Variants in MEGF8 observed in about 807,000 individuals in gnomAD.
MEGF8 encodes multiple EGF like domains 8.
Under a neutral mutation model 302.9 loss-of-function variants are expected in MEGF8, and 156 were observed. That is an observed-to-expected ratio of 0.52 (90% CI 0.45 to 0.59). The LOEUF (loss-of-function observed/expected upper bound fraction) is 0.59, where lower values mean the gene tolerates loss of function less well. MEGF8 is among the 20% of genes least tolerant of loss of function. MEGF8 has a pLI of 0.00. For missense variants in MEGF8, 3,345 were observed against 3,964.5 expected (o/e 0.84, Z 4.20); for synonymous variants, 1,621 against 1,660.5 (o/e 0.98, Z 0.58).
At position 42,354,104 on chromosome 19, in the gene MEGF8, AC is replaced by A; in HGVS notation, c.4011+83del. The A allele has an allele frequency of 1.4e-6, 2 of 1,409,126 alleles. No individual in the cohort carries two copies. Among genetic ancestry groups the A allele is most frequent in the Non-Finnish European group, 1.9e-6 (2 of 1,071,524 alleles). 87.3% of individuals were successfully genotyped at this position (1,409,126 alleles called of 1,614,324 possible). ...ACCCAGCCTGCATCCTCAGACCCTG[AC>A]CCTAGTATTGCTGTTTTTTTTTTTT... On this transcript the variant is annotated intron_variant, in intron 22 of 41. Coordinates refer to ENST00000251268, the MANE Select transcript of MEGF8 (RefSeq NM_001271938.2). This position sits in a 1 kb window ranked among gnomAD's most constrained non-coding sequence, Gnocchi z 4.3.
rs1284505796 is a variant in MEGF8, at chr19:42,371,430, G to C, written c.7217G>C (p.Gly2406Ala). ...CCATGTCAGAATAACACAGAGACGG[G>C]CACATGCCAGGGCAGCTCCCCCAGT... Reference protein sequence around the residue: ...GCPCQNNTETGTCQGSSPSDR... With the variant: ...GCPCQNNTETATCQGSSPSDR... Residue 2406 changes from glycine (G) to alanine (A), a missense_variant, in exon 41 of 42, where the codon GGC becomes GCC. Physicochemically the swap from Gly to Ala is moderately conservative, Grantham distance 60. Coordinates refer to ENST00000251268, the MANE Select transcript of MEGF8 (RefSeq NM_001271938.2). 6.2e-7 allele frequency: 1 copy of C among 1,613,966 alleles called. No individual in the cohort carries two copies. The highest frequency in any genetic ancestry group is 1.1e-5 in the South Asian group (1 of 91,086).
In MEGF8 at chr19:42,336,007, CGCTCACCAACGACGTGTGGGCCTT is replaced by C. The variant is rs2039122342; in HGVS notation, c.906_929del (p.Leu303_Phe310del). ...ATGGGTGGTGAGCTGGCTGACGGCT[CGCTCACCAACGACGTGTGGGCCTT>C]CAGTCCACTGGGCAGGGGCCACTGG... is the stretch of plus-strand genomic sequence containing the variant. On this transcript the variant is annotated inframe_deletion, in exon 6 of 42. Coordinates refer to ENST00000251268, the MANE Select transcript of MEGF8 (RefSeq NM_001271938.2). This position sits in a 1 kb window ranked among gnomAD's most constrained non-coding sequence, Gnocchi z 4.8. 1 of 1,545,158 alleles carries C rather than the reference CGCTCACCAACGACGTGTGGGCCTT, an allele frequency of 6.5e-7. No individual in the cohort carries two copies. Among genetic ancestry groups the C allele is most frequent in the Non-Finnish European group, 8.7e-7 (1 of 1,147,662 alleles).
chr19:42,351,313 A>G lies in MEGF8; in HGVS notation c.2834A>G (p.Glu945Gly). 5 of 1,568,354 alleles carry G rather than the reference A, an allele frequency of 3.2e-6. No individual in the cohort carries two copies. The highest frequency in any genetic ancestry group is 4.3e-6 in the Non-Finnish European group (5 of 1,156,360). Residue 945 changes from glutamate (E) to glycine (G), a missense_variant, in exon 16 of 42, where the codon GAG becomes GGG. Glu to Gly is a moderately conservative substitution (Grantham distance 98). Coordinates refer to ENST00000251268, the MANE Select transcript of MEGF8 (RefSeq NM_001271938.2). This position sits in a 1 kb window ranked among gnomAD's most constrained non-coding sequence, Gnocchi z 5.6. ...RGRGALKSPE[E>G]CPPLCSQRLT... Reference sequence around the variant, plus strand: ...CGGGGTGCCCTGAAGAGTCCAGAGGAGTGTCCCCCGCTCTGCAGCCAGTGA... The same window carrying G: ...CGGGGTGCCCTGAAGAGTCCAGAGGGGTGTCCCCCGCTCTGCAGCCAGTGA...
At position 42,365,041 on chromosome 19, in the gene MEGF8, C is replaced by T. The variant is rs903272781; in HGVS notation, c.6273+1779C>T. On this transcript the variant is annotated intron_variant, in intron 35 of 41. Coordinates refer to ENST00000251268, the MANE Select transcript of MEGF8 (RefSeq NM_001271938.2). ...ATGGGACACACCAAGAGGGTGGCTG[C>T]GGGAGTTCCCCATGGGGGCTGTCAA... Among the ~76,000 whole-genome samples the T allele has an allele frequency of 7.2e-5, 11 of 152,222 alleles. No homozygotes were observed. In the East Asian group the frequency reaches 1.7e-3, roughly 24 times the overall value.
rs772591953 is a variant in MEGF8 at position 42,335,281 on chromosome 19, A to C, written c.740-16A>C. The C allele has an allele frequency of 6.2e-7, 1 of 1,613,928 alleles. No individual in the cohort carries two copies. Among genetic ancestry groups the C allele is most frequent in the Non-Finnish European group, 8.5e-7 (1 of 1,179,848 alleles). On this transcript the variant is annotated splice_polypyrimidine_tract_variant and intron_variant, in intron 4 of 41. Transcript: ENST00000251268. Reference sequence around the variant, plus strand: ...CAGCCTATGGCCAGGGCATGAGACTATCCACCCCTCCACAGGCCAGGACCT... The same window carrying C: ...CAGCCTATGGCCAGGGCATGAGACTCTCCACCCCTCCACAGGCCAGGACCT...
Position 42,376,528 on chromosome 19 carries a change from G to A in MEGF8, c.8291G>A (p.Arg2764Gln), listed in dbSNP as rs1359538224. 3 of 1,570,478 alleles carry A rather than the reference G, an allele frequency of 1.9e-6. No homozygotes were observed. Among genetic ancestry groups the A allele is most frequent in the African/African-American group, 2.7e-5 (2 of 73,724 alleles). ...ATCCCCGCCACCACTGCTGGGCTGC[G>A]AGCTGGGCCCATCACTCTCGAGCCC... ...PAIPATTAGL[R>Q]AGPITLEPTE... The change falls in exon 42 of 42, where the codon CGA (arginine) becomes CAA (glutamine). Residue 2764 changes from arginine (R) to glutamine (Q), a missense_variant. Transcript: ENST00000251268. The surrounding 1 kb of genome is among the most constrained non-coding windows in gnomAD (Gnocchi z 8.2).
intron 13 of MEGF8, 74 bp downstream of exon 13, chr19:42,348,546 T>A (rs1212470658): frequency 2.2e-6 from 3 of 1,366,274 alleles, no homozygotes; most frequent in Non-Finnish European, 2.9e-6. Flanking sequence ...AGAGCATCTG[T>A]GGTGATTTGA....
At chr19:42,328,710 C>T (rs1457441929) in intron 1 of MEGF8, among the ~76,000 whole-genome samples, 4 of 151,992 alleles carry the variant, frequency 2.6e-5, no homozygotes, top group East Asian at 3.9e-4. Context: ...CCAAGTGGGG[C>T]GGATCACCTG....
Position 42,376,525 on chromosome 19 carries a change from T to TGCGAGCTGGGCC in MEGF8, c.8289_8300dup (p.Arg2764_Pro2767dup). 2 of 1,572,332 alleles carry TGCGAGCTGGGCC rather than the reference T, an allele frequency of 1.3e-6. No homozygotes were observed. Among genetic ancestry groups the TGCGAGCTGGGCC allele is most frequent in the Non-Finnish European group, 1.7e-6 (2 of 1,161,768 alleles). On this transcript the variant is annotated inframe_insertion, in exon 42 of 42. Coordinates refer to ENST00000251268, the MANE Select transcript of MEGF8 (RefSeq NM_001271938.2). The surrounding 1 kb of genome is among the most constrained non-coding windows in gnomAD (Gnocchi z 8.2). ...GCCATCCCCGCCACCACTGCTGGGC[T>TGCGAGCTGGGCC]GCGAGCTGGGCCCATCACTCTCGAG...
rs898657231 is a variant in MEGF8, at chr19:42,351,558, C to T, written c.2985C>T (p.Asp995=). 6.2e-7 allele frequency: 1 copy of T among 1,608,796 alleles called. No homozygotes were observed. The highest frequency in any genetic ancestry group is 8.5e-7 in the Non-Finnish European group (1 of 1,177,926). Residue 995 remains aspartate (D), a splice_region_variant and synonymous_variant, in exon 17 of 42, where the codon GAC becomes GAT. Coordinates refer to ENST00000251268, the MANE Select transcript of MEGF8 (RefSeq NM_001271938.2). The surrounding 1 kb of genome is among the most constrained non-coding windows in gnomAD (Gnocchi z 5.6). ...ACGGGGGCTGTCGAGGCTGGGACGA[C>T]AGGTATGGTCCCTGGGGCAGGGCTA... ...YPHGGCRGWD[D]SVHSEPRCRS...
chr19:42,348,232 A>G, intron 12 of MEGF8, 40 bp from the exon 13 acceptor site: 2 of 1,490,052 alleles, frequency 1.3e-6, no homozygotes, highest in East Asian at 5.0e-5. Flanking sequence ...CTGTGAGTCC[A>G]GAAAGGGACT....
Position 42,352,813 on chromosome 19 carries a change from A to G in MEGF8, c.3351-115A>G. On this transcript the variant is annotated intron_variant, in intron 19 of 41. Coordinates refer to ENST00000251268, the MANE Select transcript of MEGF8 (RefSeq NM_001271938.2). The surrounding 1 kb of genome is among the most constrained non-coding windows in gnomAD (Gnocchi z 4.4). ...GAGACAGGGTCACCCACATAGCCCA[A>G]AACCATGGAAACAGCCAGTGGCTTT... The G allele has an allele frequency of 1.2e-6, 1 of 840,122 alleles. No homozygotes were observed. Among genetic ancestry groups the G allele is most frequent in the Non-Finnish European group, 1.9e-6 (1 of 530,750 alleles). 52.0% of individuals were successfully genotyped at this position (840,122 alleles called of 1,614,324 possible). A position where few individuals can be genotyped will look rare whatever the true frequency, so the allele number is the denominator to read the frequency against.
chr19:42,371,918 GA>G (rs1293694028), intron 41 of MEGF8, among the ~76,000 whole-genome samples: 1 of 151,722 alleles, frequency 6.6e-6, no homozygotes, highest in African/African-American at 2.4e-5. Flanking sequence ...CCCCATCTCT[GA>G]AAAAAAATTT....
rs754128388 is a variant in MEGF8, at chr19:42,354,437, A to G, written c.4012-151A>G. 1 of 912,494 alleles carries G rather than the reference A, an allele frequency of 1.1e-6. No individual in the cohort carries two copies. Among genetic ancestry groups the G allele is most frequent in the Non-Finnish European group, 1.7e-6 (1 of 596,562 alleles). 56.5% of individuals were successfully genotyped at this position (912,494 alleles called of 1,614,324 possible). ...ACACAGGAAGGGGAGTGGTGGCCTT[A>G]TGCCATAGTTTGACAGTCTCCCCTG... On this transcript the variant is annotated intron_variant, in intron 22 of 41. Coordinates refer to ENST00000251268, the MANE Select transcript of MEGF8 (RefSeq NM_001271938.2). The surrounding 1 kb of genome is among the most constrained non-coding windows in gnomAD (Gnocchi z 4.3).
intron 1 of MEGF8, among the ~76,000 whole-genome samples, chr19:42,332,304 G>A (rs1366787577): frequency 6.6e-6 from 1 of 152,262 alleles, no homozygotes; most frequent in Non-Finnish European, 1.5e-5. Flanking sequence ...CTGTCAGCTG[G>A]AAGCTCAGTT....
Position 42,359,184 on chromosome 19 carries a change from C to T in MEGF8, c.5430C>T (p.Ser1810=). 6.2e-7 allele frequency: 1 copy of T among 1,605,624 alleles called. No individual in the cohort carries two copies. The highest frequency in any genetic ancestry group is 1.1e-5 in the South Asian group (1 of 89,944). ...LGGRSDPDEF[S]SDVLLYQVNC... ...GGCGCTCGGACCCTGACGAGTTCAG[C>T]AGCGACGTTCTGCTCTACCAGGTCA... is the stretch of plus-strand genomic sequence containing the variant. Residue 1810 remains serine, a synonymous_variant, in exon 31 of 42, where the codon AGC becomes AGT. Coordinates refer to ENST00000251268, the MANE Select transcript of MEGF8 (RefSeq NM_001271938.2).
intron 35 of MEGF8, among the ~76,000 whole-genome samples, chr19:42,365,310 A>G (rs540561193): frequency 6.6e-5 from 10 of 152,060 alleles, no homozygotes; most frequent in Admixed American, 2.0e-4. Context: ...TGGGGCAGCT[A>G]AGGAGATGGG....
At chr19:42,341,740 C>G (rs551942172) in intron 8 of MEGF8, among the ~76,000 whole-genome samples, 1 of 152,306 alleles carries the variant, frequency 6.6e-6, no homozygotes, top group South Asian at 2.1e-4. Context: ...AACTACCACG[C>G]CCAGACATAT....
chr19:42,335,685 A>G (rs1409909151), intron 5 of MEGF8, among the ~76,000 whole-genome samples: 2 of 150,096 alleles, frequency 1.3e-5, no homozygotes, highest in East Asian at 3.9e-4. Flanking sequence ...ATCTCTCTGG[A>G]TCTGTTTCTC....
Sources: allele counts gnomAD v4.1 joint callset (sites outside exome capture counted in the v4.1 genomes callset), GRCh38; gene constraint gnomAD v4.1.1; non-coding constraint Gnocchi (gnomAD v3.1); transcripts MANE v1.5; gene names NCBI Gene and HGNC (gene_info 2026-07-23, HGNC 2026-07-21).